The following SCMH1 variants were observed in gnomAD, a reference collection of about 807,000 sequenced individuals.
The protein encoded by SCMH1 is polycomb protein SCMH1.
In SCMH1, 37 loss-of-function variants were observed where a neutral mutation model predicts 70.8. That is an observed-to-expected ratio of 0.52 (90% CI 0.40 to 0.69). SCMH1 has a LOEUF of 0.69. SCMH1 is among the 30% of genes least tolerant of loss of function. The pLI is 0.00. For synonymous variants in SCMH1, 292 were observed against 307.4 expected (o/e 0.95, Z 0.52); for missense variants, 607 against 827.3 (o/e 0.73, Z 3.27).
chr1:41,083,969 A>G (rs1445971287), intron 8 of SCMH1, among the ~76,000 whole-genome samples: 2 of 152,324 alleles, frequency 1.3e-5, no homozygotes, highest in East Asian at 3.9e-4. Context: ...TTATACAAAA[A>G]TTAATTCAAG....
chr1:41,100,719 C>A (rs1666385959), intron 8 of SCMH1, among the ~76,000 whole-genome samples: 1 of 152,060 alleles, frequency 6.6e-6, no homozygotes, highest in Admixed American at 6.5e-5. Context: ...GCACCTGCCA[C>A]CACGCCCAGC....
chr1:41,191,643 C>T (rs1477853765), intron 1 of SCMH1, among the ~76,000 whole-genome samples: 1 of 152,166 alleles, frequency 6.6e-6, no homozygotes, highest in South Asian at 2.1e-4. Context: ...CTTCCATCTC[C>T]AATCCTACCA....
rs559933405 is a variant in SCMH1, at chr1:41,197,855, C to A, written c.-117-11605G>T. Among the ~76,000 whole-genome samples, 12 of 152,270 alleles carry A rather than the reference C, an allele frequency of 7.9e-5. No individual in the cohort carries two copies. In the South Asian group the frequency reaches 2.3e-3, roughly 29 times the overall value. On this transcript the variant is annotated intron_variant, in intron 1 of 14. Coordinates refer to ENST00000337495, the Ensembl canonical transcript of SCMH1. Reference sequence around the variant, plus strand: ...GGTAGTCCTAGATGTAGTCCTCTATCAACTTTCTTTATGACTTCCTGTTTA... The same window carrying A: ...GGTAGTCCTAGATGTAGTCCTCTATAAACTTTCTTTATGACTTCCTGTTTA...
chr1:41,177,330 C>T (rs185024264), intron 2 of SCMH1, among the ~76,000 whole-genome samples: 8 of 152,130 alleles, frequency 5.3e-5, no homozygotes, highest in Admixed American at 2.6e-4. Context: ...AAAATCAGAG[C>T]GCCTCTCCTC....
intron 8 of SCMH1, among the ~76,000 whole-genome samples, chr1:41,096,915 C>T (rs1665233742): frequency 6.6e-6 from 1 of 152,196 alleles, no homozygotes; most frequent in Admixed American, 6.5e-5. Context: ...CACACATTAG[C>T]AGCAATTTCC....
intron 9 of SCMH1, among the ~76,000 whole-genome samples, chr1:41,072,920 G>A (rs754281055): frequency 9.9e-5 from 15 of 152,084 alleles, no homozygotes; most frequent in Non-Finnish European, 1.8e-4. Flanking sequence ...TGAAGTGGAA[G>A]GCATATACAC....
At chr1:41,069,926 T>C (rs928149601) in intron 10 of SCMH1, among the ~76,000 whole-genome samples, 1 of 152,222 alleles carries the variant, frequency 6.6e-6, no homozygotes, top group African/African-American at 2.4e-5. Flanking sequence ...ATGGGGATCA[T>C]GCCAATTGCT....
At chr1:41,165,267 A>C (rs923538367) in intron 2 of SCMH1, among the ~76,000 whole-genome samples, 3 of 152,152 alleles carry the variant, frequency 2.0e-5, no homozygotes, top group African/African-American at 7.2e-5. Flanking sequence ...CCACATTTTT[A>C]AATCCATTCA....
chr1:41,053,950 T>C (rs1423737600), intron 10 of SCMH1, among the ~76,000 whole-genome samples: 1 of 152,080 alleles, frequency 6.6e-6, no homozygotes, highest in Non-Finnish European at 1.5e-5. Context: ...GTTCACGCCA[T>C]TCTCCTGCCT....
At chr1:41,057,946 C>T (rs903971682) in intron 10 of SCMH1, among the ~76,000 whole-genome samples, 2 of 151,566 alleles carry the variant, frequency 1.3e-5, no homozygotes, top group African/African-American at 4.8e-5. Context: ...CATGGCAAAA[C>T]CTTGTCTCTA....
At chr1:41,034,350 C>T (rs1644992595) in intron 13 of SCMH1, among the ~76,000 whole-genome samples, 1 of 149,806 alleles carries the variant, frequency 6.7e-6, no homozygotes, top group African/African-American at 2.5e-5. Context: ...TTTTTTGAGA[C>T]GGAGTCTCAC....
At chr1:41,158,228 G>A (rs1645719390) in intron 4 of SCMH1, among the ~76,000 whole-genome samples, 3 of 152,224 alleles carry the variant, frequency 2.0e-5, no homozygotes, top group Non-Finnish European at 4.4e-5. Context: ...TCAAAGCACT[G>A]TGCTGAGTGC....
chr1:41,035,732 C>A (rs184407151), intron 13 of SCMH1, among the ~76,000 whole-genome samples: 1 of 152,166 alleles, frequency 6.6e-6, no homozygotes, highest in Non-Finnish European at 1.5e-5. Context: ...TGCTGACATA[C>A]GTGCTTGAAG....
intron 1 of SCMH1, among the ~76,000 whole-genome samples, chr1:41,222,288 C>G (rs1004111888): frequency 2.0e-5 from 3 of 152,116 alleles, no homozygotes; most frequent in Non-Finnish European, 2.9e-5. Context: ...CTTTAAGTGA[C>G]TTGGTGCTTT....
chr1:41,190,259 G>A (rs1426794471), intron 1 of SCMH1, among the ~76,000 whole-genome samples: 1 of 152,150 alleles, frequency 6.6e-6, no homozygotes. Context: ...AAAGACTCAG[G>A]GGAAACATGA....
rs139737596 is a variant in SCMH1, at chr1:41,193,558, T to C, written c.-117-7308A>G. Among the ~76,000 whole-genome samples, 601 of 152,066 alleles carry C rather than the reference T, an allele frequency of 4.0e-3. 4 individuals carry two copies. Among genetic ancestry groups the C allele is most frequent in the African/African-American group, 0.014 (570 of 41,472 alleles). On this transcript the variant is annotated intron_variant, in intron 1 of 14. Coordinates refer to ENST00000337495, the Ensembl canonical transcript of SCMH1. ...GTTGAGGAAAGCTTCATGGAGGAGA[T>C]GAAGTTGAGCTAGGATTATCCGAAG... is the stretch of plus-strand genomic sequence containing the variant.
chr1:41,179,667 G>A (rs1485629881), intron 2 of SCMH1, among the ~76,000 whole-genome samples: 1 of 152,158 alleles, frequency 6.6e-6, no homozygotes, highest in Non-Finnish European at 1.5e-5. Flanking sequence ...AAACCAGGAA[G>A]AAGTTGAATC....
intron 10 of SCMH1, among the ~76,000 whole-genome samples, chr1:41,052,299 C>G (rs1487784943): frequency 6.6e-6 from 1 of 152,238 alleles, no homozygotes; most frequent in African/African-American, 2.4e-5. Context: ...TGAGCTCCGC[C>G]TCCTGTCAGA....
intron 6 of SCMH1, among the ~76,000 whole-genome samples, chr1:41,136,620 C>A (rs953674882): frequency 6.6e-6 from 1 of 151,938 alleles, no homozygotes; most frequent in African/African-American, 2.4e-5. Context: ...GATCTGCCCA[C>A]CTCGGCCTCC....
Sources: allele counts gnomAD v4.1 joint callset (sites outside exome capture counted in the v4.1 genomes callset), GRCh38; gene constraint gnomAD v4.1.1; transcripts MANE v1.5; gene names NCBI Gene and HGNC (gene_info 2026-07-23, HGNC 2026-07-21).